The following DAB1 variants were observed in gnomAD, a reference collection of about 807,000 sequenced individuals.
The protein encoded by DAB1 is disabled homolog 1.
In DAB1, 15 loss-of-function variants were observed where a neutral mutation model predicts 64.6. That is an observed-to-expected ratio of 0.23 (90% CI 0.16 to 0.36). DAB1 has a LOEUF of 0.36. Among genes scored for constraint, DAB1 ranks in the 10% least tolerant of loss-of-function variants. DAB1 has a pLI of 1.00. For synonymous variants in DAB1, 235 were observed against 251.9 expected, an observed-to-expected ratio of 0.93 and a Z score of 0.64; for missense variants, 596 against 706.7, an observed-to-expected ratio of 0.84 and a Z score of 1.78.
In DAB1 at chr1:57,498,197, C is replaced by T. The variant is rs112123669; in HGVS notation, n.625+151395G>A. ...AATCCTGTTTTGGGTATGTTGAATT[C>T]GAGATGCTTTTGGGACATTTAGATG... On this transcript the variant is annotated intron_variant and non_coding_transcript_variant, in intron 7 of 20. Coordinates refer to the DAB1 transcript ENST00000485760. 4.5e-3 allele frequency among the ~76,000 whole-genome samples: 683 copies of T among 152,178 alleles called. 3 individuals are homozygous for T. The highest frequency in any genetic ancestry group is 0.015 in the African/African-American group (624 of 41,508).
chr1:57,251,999 C>T (rs1669379218), intron 2 of DAB1, among the ~76,000 whole-genome samples: 2 of 152,214 alleles, frequency 1.3e-5, no homozygotes, highest in Non-Finnish European at 2.9e-5. Flanking sequence ...GTGAAACACA[C>T]CTCAAGCTGT....
intron 3 of DAB1, among the ~76,000 whole-genome samples, chr1:58,348,379 A>G (rs1407653127): frequency 6.6e-6 from 1 of 152,172 alleles, no homozygotes; most frequent in African/African-American, 2.4e-5. Flanking sequence ...GTAAAACAAC[A>G]TGAGGCTAGA....
intron 4 of DAB1, among the ~76,000 whole-genome samples, chr1:58,203,754 T>C (rs1433705730): frequency 6.6e-6 from 1 of 152,206 alleles, no homozygotes; most frequent in South Asian, 2.1e-4. Context: ...TGCACTGCAA[T>C]GATCTTTTTG....
At chr1:58,349,555 C>T (rs931611868) in intron 3 of DAB1, among the ~76,000 whole-genome samples, 1 of 151,882 alleles carries the variant, frequency 6.6e-6, no homozygotes, top group African/African-American at 2.4e-5. Context: ...GTTTGCTGCA[C>T]CCATAAACCC....
chr1:57,968,625 A>G (rs1645725182), intron 5 of DAB1, among the ~76,000 whole-genome samples: 1 of 152,136 alleles, frequency 6.6e-6, no homozygotes, highest in Admixed American at 6.5e-5. Context: ...GCTACAGACC[A>G]TTTTTTGTGC....
At chr1:57,676,467 G>A (rs1158709360) in intron 6 of DAB1, among the ~76,000 whole-genome samples, 1 of 152,172 alleles carries the variant, frequency 6.6e-6, no homozygotes, top group Non-Finnish European at 1.5e-5. Context: ...ACCAAGGCAT[G>A]CAGCAATTCC....
intron 4 of DAB1, among the ~76,000 whole-genome samples, chr1:58,272,718 G>C (rs868794828): frequency 2.0e-5 from 3 of 151,890 alleles, no homozygotes; most frequent in Non-Finnish European, 2.9e-5. Flanking sequence ...CCTGTATTGG[G>C]TGCATATATA....
intron 1 of DAB1, chr1:57,307,499 C>A (rs1674285497): frequency 6.5e-6 from 1 of 153,044 alleles, no homozygotes; most frequent in Non-Finnish European, 1.5e-5. Flanking sequence ...TCTGTTGAAT[C>A]TAGACCGCAC....
At chr1:58,369,117 T>C (rs1644241814) in intron 3 of DAB1, among the ~76,000 whole-genome samples, 1 of 152,226 alleles carries the variant, frequency 6.6e-6, no homozygotes, top group Admixed American at 6.5e-5. Context: ...TGTTCAGTAC[T>C]GGCTCCTAGA....
intron 5 of DAB1, among the ~76,000 whole-genome samples, chr1:58,016,900 T>G (rs991566032): frequency 1.3e-5 from 2 of 152,138 alleles, no homozygotes; most frequent in African/African-American, 4.8e-5. Flanking sequence ...TATTAAAACC[T>G]CCTACTTGCC....
intron 4 of DAB1, among the ~76,000 whole-genome samples, chr1:57,096,295 T>C (rs928107863): frequency 6.6e-6 from 1 of 152,134 alleles, no homozygotes; most frequent in African/African-American, 2.4e-5. Context: ...CTTAAAAGCT[T>C]ACTGCTCATT....
chr1:57,066,627 G>A (rs960232032), intron 8 of DAB1, among the ~76,000 whole-genome samples: 1 of 152,144 alleles, frequency 6.6e-6, no homozygotes, highest in South Asian at 2.1e-4. Context: ...AACATGTGGT[G>A]AGCAAGTTAT....
chr1:57,631,452 T>A (rs1249565160), intron 7 of DAB1, among the ~76,000 whole-genome samples: 1 of 152,246 alleles, frequency 6.6e-6, no homozygotes, highest in Non-Finnish European at 1.5e-5. Context: ...ACATTTTCAT[T>A]TTCAATTTCC....
chr1:57,408,483 C>T (rs1212106714), intron 1 of DAB1, among the ~76,000 whole-genome samples: 1 of 152,132 alleles, frequency 6.6e-6, no homozygotes, highest in Non-Finnish European at 1.5e-5. Context: ...GGTTTTACCA[C>T]TAAATGAGTT....
At chr1:57,020,792 A>T (rs536385875) in intron 11 of DAB1, among the ~76,000 whole-genome samples, 3 of 152,216 alleles carry the variant, frequency 2.0e-5, no homozygotes, top group Non-Finnish European at 4.4e-5. Context: ...TATTGTTGCA[A>T]AGTAAGTATT....
chr1:57,820,569 G>T (rs1470602252), intron 6 of DAB1, among the ~76,000 whole-genome samples: 1 of 152,050 alleles, frequency 6.6e-6, no homozygotes, highest in African/African-American at 2.4e-5. Flanking sequence ...TTCACCTTCT[G>T]GTTTAAATAC....
chr1:57,989,836 C>T (rs572889754), intron 5 of DAB1, among the ~76,000 whole-genome samples: 2 of 152,254 alleles, frequency 1.3e-5, no homozygotes, highest in African/African-American at 4.8e-5. Context: ...AGAACATGAC[C>T]CCAGCTCATT....
intron 7 of DAB1, among the ~76,000 whole-genome samples, chr1:57,638,344 T>G (rs1047275425): frequency 6.6e-6 from 1 of 152,196 alleles, no homozygotes; most frequent in Admixed American, 6.5e-5. Flanking sequence ...GTTTATATAT[T>G]TTTTCATTTT....
intron 3 of DAB1, among the ~76,000 whole-genome samples, chr1:58,389,432 T>C (rs143077008): frequency 2.0e-5 from 3 of 152,264 alleles, no homozygotes; most frequent in Admixed American, 2.0e-4. Context: ...AGTGACAACA[T>C]ATCTCAAAAA....
Sources: gnomAD v4.1 joint callset for allele counts (sites outside exome capture counted in the v4.1 genomes callset) on GRCh38, gnomAD v4.1.1 for gene constraint, MANE v1.5 for transcripts, NCBI Gene and HGNC (gene_info 2026-07-23, HGNC 2026-07-21) for gene names.